CDK20: variants seen among roughly 807,000 people sequenced by gnomAD.
The protein encoded by CDK20 is cyclin-dependent kinase 20.
Under a neutral mutation model 38.6 loss-of-function variants are expected in CDK20, and 40 were observed. The observed-to-expected ratio is 1.04, with a 90% CI of 0.81 to 1.35. The LOEUF is 1.35. Among genes scored for constraint, CDK20 ranks in the 40% most tolerant of loss-of-function variants. CDK20 has a pLI of 0.00. For missense variants in CDK20, 512 were observed against 452.6 expected, an observed-to-expected ratio of 1.13 and a Z score of -1.19; for synonymous variants, 209 against 185.7, an observed-to-expected ratio of 1.13 and a Z score of -1.02.
Position 87,970,818 on chromosome 9 carries a change from GA to G in CDK20, c.457del (p.Ser153ProfsTer46), listed in dbSNP as rs887903012. On this transcript the variant is annotated frameshift_variant, in exon 4 of 8. Coordinates refer to ENST00000325303, the MANE Select transcript of CDK20 (RefSeq NM_001039803.3). LOFTEE classifies it high-confidence loss of function. ...IADFGLARVF[S>X]PDGSRLYTHQ... is the part of the protein sequence containing the mutation. The stretch of plus-strand genomic sequence containing the variant: ...TGTGTAGAGGCGGCTGCCGTCTGGG[GA>G]AAAGACTCGAGCCAGGCCAAAGTCC... 1.9e-6 allele frequency: 3 copies of G among 1,613,978 alleles called. No homozygotes were observed.
Position 87,966,659 on chromosome 9 carries a change from C to T in CDK20, c.*803G>A. On this transcript the variant is annotated 3_prime_UTR_variant, in exon 8 of 8. Coordinates refer to ENST00000325303, the MANE Select transcript of CDK20 (RefSeq NM_001039803.3). Reference sequence around the variant, plus strand: ...AATTTATAAATTAATTCCAGGAACGCTTGTTTCCTTAAATACACAGCTGCT... The same window carrying T: ...AATTTATAAATTAATTCCAGGAACGTTTGTTTCCTTAAATACACAGCTGCT... 6.0e-6 allele frequency: 1 copy of T among 166,106 alleles called. No individual in the cohort carries two copies. Among genetic ancestry groups the T allele is most frequent in the Admixed American group, 5.6e-5 (1 of 17,906 alleles). The allele number at this position is 166,106 out of a possible 1,614,324, so 10.3% of individuals were successfully genotyped here.
intron 5 of CDK20, 47 bp from the exon 6 acceptor site, chr9:87,969,966 CCA>C (rs777112448): frequency 1.2e-5 from 18 of 1,513,492 alleles, no homozygotes; most frequent in Admixed American, 4.4e-5. Flanking sequence ...CCACCATGGA[CCA>C]CAGACCCACC....
Position 87,970,120 on chromosome 9 carries a change from C to G in CDK20, c.564-201G>C, listed in dbSNP as rs1325961091. 6 of 518,818 alleles carry G rather than the reference C, an allele frequency of 1.2e-5. No homozygotes were observed. The East Asian group carries it at 2.0e-4, about 17-fold the overall frequency. The allele number at this position is 518,818 out of a possible 1,614,324, so 32.1% of individuals were successfully genotyped here. A position where few individuals can be genotyped will look rare whatever the true frequency, so the allele number is the denominator to read the frequency against. The stretch of plus-strand genomic sequence containing the variant: ...CAAAGCCCCAGCTGTTCCAAGACTT[C>G]TCGGAGACTCCTGCTCTAGGACACT... On this transcript the variant is annotated intron_variant, in intron 5 of 7. Transcript: ENST00000325303.
chr9:87,974,254 T>C (rs928778311), intron 1 of CDK20, 118 bp downstream of exon 1: 79 of 1,234,458 alleles, frequency 6.4e-5, no homozygotes, highest in South Asian at 2.7e-4. Flanking sequence ...GTTTAGAATA[T>C]GAGTAGGTTT....
Position 87,966,865 on chromosome 9 carries a change from C to G in CDK20, c.*597G>C. ...GTCCCTCAGGGCAAAAGTGGCTATG[C>G]CTGGTGCTACCCTCCCCATGACCCC... is the stretch of plus-strand genomic sequence containing the variant. On this transcript the variant is annotated 3_prime_UTR_variant, in exon 8 of 8. Transcript: ENST00000325303. 1 of 364,728 alleles carries G rather than the reference C, an allele frequency of 2.7e-6. No homozygotes were observed. Among genetic ancestry groups the G allele is most frequent in the South Asian group, 2.1e-5 (1 of 48,370 alleles). The allele number at this position is 364,728 out of a possible 1,614,324, so 22.6% of individuals were successfully genotyped here. A position where few individuals can be genotyped will look rare whatever the true frequency, so the allele number is the denominator to read the frequency against.
In CDK20 at chr9:87,974,515, C is replaced by A. The variant is rs1564162353; in HGVS notation, c.-69G>T. ...CAAACTCCACTTCTCCTCCACCCCA[C>A]GCTGATCTGAGCTCGCACGCTGTTG... On this transcript the variant is annotated 5_prime_UTR_variant, in exon 1 of 8. Coordinates refer to ENST00000325303, the MANE Select transcript of CDK20 (RefSeq NM_001039803.3). The A allele has an allele frequency of 1.4e-6, 2 of 1,424,512 alleles. No individual in the cohort carries two copies. Among genetic ancestry groups the A allele is most frequent in the Non-Finnish European group, 1.9e-6 (2 of 1,047,948 alleles). The allele number at this position is 1,424,512 out of a possible 1,614,324, so 88.2% of individuals were successfully genotyped here.
chr9:87,967,511 T>G lies in CDK20; in HGVS notation c.992A>C (p.Glu331Ala), dbSNP rs753325373. ...AATCAGCTCTGGGTTCAACAGCGAC[T>G]CCTCAAGAGGCCGGTCCACGTGGAA... Reference protein sequence around the residue: ...HDFHVDRPLEESLLNPELIRP... With the variant: ...HDFHVDRPLEASLLNPELIRP... The change falls in exon 8 of 8, where the codon GAG becomes GCG. Residue 331 changes from glutamate to alanine, a missense_variant. Coordinates refer to ENST00000325303, the MANE Select transcript of CDK20 (RefSeq NM_001039803.3). 29 of 1,556,316 alleles carry G rather than the reference T, an allele frequency of 1.9e-5. No homozygotes were observed. In the East Asian group the frequency reaches 3.2e-4, roughly 17 times the overall value.
chr9:87,969,687 AGGG>A, intron 6 of CDK20, 106 bp downstream of exon 6: 4 of 1,517,976 alleles, frequency 2.6e-6, no homozygotes, highest in Non-Finnish European at 2.7e-6. Context: ...CTGTCCATCA[AGGG>A]GGGTTGGGGC....
chr9:87,969,722 G>A (rs1418480450), intron 6 of CDK20, 74 bp downstream of exon 6: 1 of 1,601,972 alleles, frequency 6.2e-7, no homozygotes, highest in Non-Finnish European at 8.5e-7. Context: ...AGGTTCAGGG[G>A]AGGGAGTGGT....
chr9:87,971,056 A>G, intron 3 of CDK20, 91 bp downstream of exon 3: 1 of 1,517,328 alleles, frequency 6.6e-7, no homozygotes, highest in South Asian at 1.2e-5. Context: ...GCTCTGTCCC[A>G]ACTTCTTATC....
At position 87,967,591 on chromosome 9, in the gene CDK20, C is replaced by T; in HGVS notation, c.912G>A (p.Gln304=). The T allele has an allele frequency of 6.5e-7, 1 of 1,533,872 alleles. No homozygotes were observed. The highest frequency in any genetic ancestry group is 8.8e-7 in the Non-Finnish European group (1 of 1,136,706). The change falls in exon 8 of 8, where the codon CAG becomes CAA. Residue 304 remains glutamine, a synonymous_variant. Transcript: ENST00000325303. ...CCTTGGGGGCAGGTCCCCCTAGACG[C>T]TGAGGAATCGGCAGCTCAGATGGAT... The part of the protein sequence containing the change: ...PAHPSELPIP[Q]RLGGPAPKAH...
At position 87,971,127 on chromosome 9, in the gene CDK20, C is replaced by T. The variant is rs1564157978; in HGVS notation, c.378+20G>A. 10 of 1,608,346 alleles carry T rather than the reference C, an allele frequency of 6.2e-6. No individual in the cohort carries two copies. Among genetic ancestry groups the T allele is most frequent in the South Asian group, 2.2e-5 (2 of 90,722 alleles). On this transcript the variant is annotated intron_variant, in intron 3 of 7. Transcript: ENST00000325303. ...AAGTCAGCTCCCCAGACCCCATGCC[C>T]GGCCTATGCTGAGACTGACCCGATG...
At chr9:87,968,899 AG>A in intron 7 of CDK20, 1 of 427,752 alleles carries the variant, frequency 2.3e-6, no homozygotes, top group Non-Finnish European at 4.3e-6. Context: ...CCACAGGGTC[AG>A]GGGCAGCCCA....
chr9:87,974,209 A>C, intron 1 of CDK20, 163 bp downstream of exon 1: 2 of 1,276,482 alleles, frequency 1.6e-6, no homozygotes, highest in Non-Finnish European at 2.2e-6. Flanking sequence ...GGACCAAGCC[A>C]GCTGTGCGGA....
chr9:87,973,211 C>T (rs964483939), intron 2 of CDK20, among the ~76,000 whole-genome samples: 2 of 152,102 alleles, frequency 1.3e-5, no homozygotes, highest in African/African-American at 2.4e-5. Flanking sequence ...GAGAGAGCAC[C>T]AAAAGAGTAA....
At chr9:87,974,108 G>A (rs1283503031) in intron 1 of CDK20, 73 bp from the exon 2 acceptor site, 2 of 1,606,222 alleles carry the variant, frequency 1.2e-6, no homozygotes, top group African/African-American at 1.3e-5. Flanking sequence ...GTGAGGGGAA[G>A]GTGGTTGAGA....
At chr9:87,969,996 A>C (rs1448538539) in intron 5 of CDK20, 77 bp from the exon 6 acceptor site, 5 of 1,460,712 alleles carry the variant, frequency 3.4e-6, no homozygotes, top group Non-Finnish European at 4.6e-6. Flanking sequence ...CAGCTCTAAC[A>C]CTGCACTCCA....
intron 7 of CDK20, 53 bp from the exon 8 acceptor site, chr9:87,967,712 C>T: frequency 7.1e-7 from 1 of 1,417,596 alleles, no homozygotes; most frequent in Non-Finnish European, 9.4e-7. Context: ...CTCCCTGTCC[C>T]CAGCCTCAAG....
At chr9:87,974,074 G>A in intron 1 of CDK20, 39 bp from the exon 2 acceptor site, 1 of 1,613,078 alleles carries the variant, frequency 6.2e-7, no homozygotes, top group Non-Finnish European at 8.5e-7. Context: ...CCCACCCTCG[G>A]CTGGGAAAGA....
Sources: gnomAD v4.1 joint callset for allele counts (sites outside exome capture counted in the v4.1 genomes callset) on GRCh38, gnomAD v4.1.1 for gene constraint, MANE v1.5 for transcripts, NCBI Gene and HGNC (gene_info 2026-07-23, HGNC 2026-07-21) for gene names.